The following VEPH1 variants were observed in gnomAD, a reference collection of about 807,000 sequenced individuals.
VEPH1 encodes the protein ventricular zone expressed PH domain containing 1.
In VEPH1, 80 loss-of-function variants were observed where a neutral mutation model predicts 85.2. The ratio of observed to expected loss-of-function variants is 0.94; its 90% CI spans 0.78 to 1.13. The LOEUF (loss-of-function observed/expected upper bound fraction) is 1.13. Among genes scored for constraint, VEPH1 ranks in the 50% most tolerant of loss-of-function variants. The probability of loss-of-function intolerance (pLI) is 0.00; values close to 1 mark genes in which losing one functional copy is unlikely to be tolerated. For synonymous variants in VEPH1, 297 were observed against 348.0 expected (o/e 0.85, Z 1.63); for missense variants, 955 against 980.5 (o/e 0.97, Z 0.35).
chr3:157,294,514 A>G (rs1717890368), intron 11 of VEPH1, among the ~76,000 whole-genome samples: 1 of 152,170 alleles, frequency 6.6e-6, no homozygotes, highest in Admixed American at 6.5e-5. Context: ...ACAGTGATTT[A>G]ATGGTGTGCA....
chr3:157,339,640 CT>C (rs1376234923), intron 9 of VEPH1, among the ~76,000 whole-genome samples: 1 of 152,184 alleles, frequency 6.6e-6, no homozygotes, highest in Non-Finnish European at 1.5e-5. Flanking sequence ...ACATCAGACC[CT>C]TGTGTCTGGA....
intron 6 of VEPH1, among the ~76,000 whole-genome samples, chr3:157,397,200 T>C (rs1730465015): frequency 5.3e-5 from 8 of 152,206 alleles, no homozygotes; most frequent in Admixed American, 5.2e-4. Flanking sequence ...CTTTCCCCAT[T>C]GCTTGCTTTT....
At chr3:157,355,581 G>T (rs984837540) in intron 9 of VEPH1, among the ~76,000 whole-genome samples, 1 of 152,124 alleles carries the variant, frequency 6.6e-6, no homozygotes, top group African/African-American at 2.4e-5. Flanking sequence ...TCACTGGGGA[G>T]ACACAGTCAC....
At chr3:157,373,704 G>A (rs562515806) in intron 7 of VEPH1, among the ~76,000 whole-genome samples, 110 of 152,282 alleles carry the variant, frequency 7.2e-4, no homozygotes, top group Middle Eastern at 3.4e-3. Context: ...CCCTAGGCTA[G>A]AACTTTGGTG....
Position 157,260,962 on chromosome 3 carries a change from T to C in VEPH1, c.*172A>G. ...AGTCAATACTAAAGCTGTTAGAGTA[T>C]GACATTTACTAAGAATCCTGCCATT... is the stretch of plus-strand genomic sequence containing the variant. On this transcript the variant is annotated 3_prime_UTR_variant, in exon 14 of 14. Coordinates refer to ENST00000362010, the MANE Select transcript of VEPH1 (RefSeq NM_001167912.2). 1 of 815,504 alleles carries C rather than the reference T, an allele frequency of 1.2e-6. No individual in the cohort carries two copies. The highest frequency in any genetic ancestry group is 1.9e-6 in the Non-Finnish European group (1 of 522,414). 50.5% of individuals were successfully genotyped at this position (815,504 alleles called of 1,614,324 possible). A position where few individuals can be genotyped will look rare whatever the true frequency, so the allele number is the denominator to read the frequency against.
intron 6 of VEPH1, among the ~76,000 whole-genome samples, chr3:157,391,367 G>A (rs960308361): frequency 1.3e-5 from 2 of 152,222 alleles, no homozygotes; most frequent in Non-Finnish European, 2.9e-5. Context: ...AGCTGAGGGA[G>A]AGCAGTTTGT....
chr3:157,298,246 T>C (rs554929173), intron 11 of VEPH1, among the ~76,000 whole-genome samples: 14 of 152,202 alleles, frequency 9.2e-5, no homozygotes, highest in Non-Finnish European at 1.8e-4. Context: ...TAGTTATAGA[T>C]GAAGAAATCA....
At position 157,406,302 on chromosome 3, in the gene VEPH1, AC is replaced by A. The variant is rs1318803070; in HGVS notation, c.906+7578del. ...ACAGGTCCTTCCTCTTGTAGAACGGACCCCAGATTTTTTTTAGTCTTGATTT... is the reference window on the plus strand; with the variant it reads ...ACAGGTCCTTCCTCTTGTAGAACGGACCCAGATTTTTTTTAGTCTTGATTT... On this transcript the variant is annotated intron_variant, in intron 6 of 13. Coordinates refer to ENST00000362010, the MANE Select transcript of VEPH1 (RefSeq NM_001167912.2). Among the ~76,000 whole-genome samples the A allele has an allele frequency of 2.0e-5, 3 of 151,796 alleles. No homozygotes were observed. In the East Asian group the frequency reaches 5.8e-4, roughly 29 times the overall value.
intron 6 of VEPH1, among the ~76,000 whole-genome samples, chr3:157,391,328 A>AT (rs1729835635): frequency 6.6e-6 from 1 of 152,138 alleles, no homozygotes; most frequent in Non-Finnish European, 1.5e-5. Flanking sequence ...TTTGTGACTC[A>AT]TTTTTCCACT....
At position 157,413,970 on chromosome 3, in the gene VEPH1, GA is replaced by G; in HGVS notation, c.816del (p.Leu273PhefsTer4). The G allele has an allele frequency of 6.2e-7, 1 of 1,613,584 alleles. No homozygotes were observed. The highest frequency in any genetic ancestry group is 8.5e-7 in the Non-Finnish European group (1 of 1,179,734). ...AVYEPVALNS[F>X]LPMLKEIGER... ...TCACCAATCTCTTTCAGCATTGGAA[GA>G]AAACTGTTCAAAGCCACTGGCTCAT... On this transcript the variant is annotated frameshift_variant, in exon 6 of 14. Transcript: ENST00000362010. LOFTEE classifies it high-confidence loss of function.
chr3:157,394,981 C>T (rs1425272349), intron 6 of VEPH1, among the ~76,000 whole-genome samples: 3 of 151,988 alleles, frequency 2.0e-5, no homozygotes, highest in Admixed American at 6.6e-5. Flanking sequence ...AGTATTGTCA[C>T]CTGGTTGGCA....
At chr3:157,478,674 G>T (rs1190696808) in intron 2 of VEPH1, among the ~76,000 whole-genome samples, 2 of 142,364 alleles carry the variant, frequency 1.4e-5, no homozygotes, top group African/African-American at 4.9e-5. Flanking sequence ...ACAGGATCGT[G>T]TCAGTGACAT....
At chr3:157,378,707 A>G (rs996306078) in intron 7 of VEPH1, among the ~76,000 whole-genome samples, 4 of 152,164 alleles carry the variant, frequency 2.6e-5, no homozygotes, top group Non-Finnish European at 5.9e-5. Flanking sequence ...TGATGACACT[A>G]TTGGTCAGAT....
At chr3:157,492,058 GT>G (rs1344886896) in intron 2 of VEPH1, among the ~76,000 whole-genome samples, 2 of 152,114 alleles carry the variant, frequency 1.3e-5, no homozygotes, top group African/African-American at 4.8e-5. Context: ...AAACAAGATT[GT>G]CCTTTGAGGA....
chr3:157,330,555 C>T (rs12635316), intron 9 of VEPH1, among the ~76,000 whole-genome samples: 33,925 of 152,110 alleles, frequency 0.22, 4,614 homozygotes, highest in Admixed American at 0.41. Flanking sequence ...CTGGACTGGA[C>T]TTCTGGGTTG....
At chr3:157,411,964 G>GACTCGATC (rs940509860) in intron 6 of VEPH1, among the ~76,000 whole-genome samples, 23 of 152,282 alleles carry the variant, frequency 1.5e-4, no homozygotes, top group African/African-American at 5.5e-4. Context: ...GGTGGGAGGT[G>GACTCGATC]ACTCGATCAC....
rs749429753 is a variant in VEPH1, at chr3:157,313,697, A to G, written c.1934T>C (p.Leu645Pro). ...QSHSVQFLRALWEKTQAGGAH... is the reference protein window; with the variant it reads ...QSHSVQFLRAPWEKTQAGGAH... ...ACCCCCTGCCTGGGTCTTCTCCCAC[A>G]GAGCTCTGAGGAATTGCACAGAATG... The change falls in exon 11 of 14, where the codon CTG (leucine) becomes CCG (proline). Residue 645 changes from leucine (L) to proline (P), a missense_variant. Coordinates refer to ENST00000362010, the MANE Select transcript of VEPH1 (RefSeq NM_001167912.2). The G allele has an allele frequency of 1.2e-6, 2 of 1,613,940 alleles. No individual in the cohort carries two copies. The highest frequency in any genetic ancestry group is 1.7e-6 in the Non-Finnish European group (2 of 1,179,954).
intron 5 of VEPH1, among the ~76,000 whole-genome samples, chr3:157,425,085 C>T (rs1732651517): frequency 6.6e-6 from 1 of 152,196 alleles, no homozygotes; most frequent in South Asian, 2.1e-4. Context: ...GACTTGGTTC[C>T]CTGTGTCCCA....
At chr3:157,314,643 C>A (rs1228057023) in intron 10 of VEPH1, among the ~76,000 whole-genome samples, 1 of 151,830 alleles carries the variant, frequency 6.6e-6, no homozygotes. Context: ...CAGAGTAGAT[C>A]ATTAAGAATA....
Sources: gnomAD v4.1 joint callset for allele counts (sites outside exome capture counted in the v4.1 genomes callset) on GRCh38, gnomAD v4.1.1 for gene constraint, MANE v1.5 for transcripts, NCBI Gene and HGNC (gene_info 2026-07-23, HGNC 2026-07-21) for gene names.